Variants in KSR1 observed in about 807,000 individuals in gnomAD.
KSR1 encodes the protein kinase suppressor of ras.
KSR1 carries 35 observed loss-of-function variants against 92.9 expected under a neutral mutation model. That is an observed-to-expected ratio of 0.38 (90% CI 0.29 to 0.50). The LOEUF (loss-of-function observed/expected upper bound fraction) is 0.50, where lower values mean the gene tolerates loss of function less well. KSR1 is among the 20% of genes least tolerant of loss of function. The pLI is 0.94. For synonymous variants in KSR1, 467 were observed against 472.6 expected (o/e 0.99, Z 0.15); for missense variants, 972 against 1,158.5 (o/e 0.84, Z 2.34).
chr17:27,471,177 G>A (rs2019980312), intron 1 of KSR1, among the ~76,000 whole-genome samples: 1 of 152,176 alleles, frequency 6.6e-6, no homozygotes, highest in African/African-American at 2.4e-5. Flanking sequence ...CTCCAGTGAC[G>A]ATTTATTGAG....
chr17:27,611,130 A>C lies in KSR1; in HGVS notation c.2358-364A>C, dbSNP rs115332150. ...TGTGTGCCAGGTGCTGGGCTTGGCA[A>C]TTTAGTACTCCTCAAACAACCCTGT... On this transcript the variant is annotated intron_variant, in intron 17 of 20. Coordinates refer to ENST00000644974, the MANE Select transcript of KSR1 (RefSeq NM_001394583.1). 4.1e-3 allele frequency among the ~76,000 whole-genome samples: 630 copies of C among 152,230 alleles called. 4 individuals carry two copies. The highest frequency in any genetic ancestry group is 0.014 in the African/African-American group (572 of 41,538).
chr17:27,596,041 G>A (rs1054989484), intron 9 of KSR1, among the ~76,000 whole-genome samples: 2 of 151,910 alleles, frequency 1.3e-5, no homozygotes, highest in Non-Finnish European at 2.9e-5. Context: ...TATGGTTTCT[G>A]TCTGAACCAG....
At chr17:27,588,404 T>C (rs752774415) in intron 5 of KSR1, 71 bp from the exon 6 acceptor site, 1 of 1,390,684 alleles carries the variant, frequency 7.2e-7, no homozygotes, top group Non-Finnish European at 9.8e-7. Context: ...GTCTCTGAAT[T>C]AGGAAGTCAT....
intron 14 of KSR1, among the ~76,000 whole-genome samples, chr17:27,606,390 C>T (rs905741341): frequency 6.6e-6 from 1 of 152,354 alleles, no homozygotes; most frequent in East Asian, 1.9e-4. Context: ...GTTAACATTC[C>T]TTCTGTTAAA....
rs1260504423 is a variant in KSR1, at chr17:27,595,875, A to T, written c.1300-1393A>T. Among the ~76,000 whole-genome samples, 7 of 152,010 alleles carry T rather than the reference A, an allele frequency of 4.6e-5. No homozygotes were observed. The East Asian group carries it at 1.4e-3, about 30-fold the overall frequency. Reference sequence around the variant, plus strand: ...TGGCCACAGGCATCCTGAAGCCGGGATCATGCCAGGCCCATCTCCCATGAC... The same window carrying T: ...TGGCCACAGGCATCCTGAAGCCGGGTTCATGCCAGGCCCATCTCCCATGAC... On this transcript the variant is annotated intron_variant, in intron 9 of 20. Transcript: ENST00000644974.
intron 9 of KSR1, among the ~76,000 whole-genome samples, chr17:27,594,674 G>A (rs879431309): frequency 6.6e-6 from 1 of 152,104 alleles, no homozygotes; most frequent in Non-Finnish European, 1.5e-5. Flanking sequence ...TTCTCACTAG[G>A]GGCCACACAT....
chr17:27,456,590 G>A lies in KSR1; in HGVS notation c.-54G>A. On this transcript the variant is annotated 5_prime_UTR_variant, in exon 1 of 21. Coordinates refer to ENST00000644974, the MANE Select transcript of KSR1 (RefSeq NM_001394583.1). ...TCCTGGCTCGGGGGTTCCTTGCCGA[G>A]GCGCCCGCGCCCCGGGCTCCCAGCC... 2.2e-6 allele frequency: 1 copy of A among 461,626 alleles called. No individual in the cohort carries two copies. Among genetic ancestry groups the A allele is most frequent in the Admixed American group, 4.5e-5 (1 of 22,450 alleles). 28.6% of individuals were successfully genotyped at this position (461,626 alleles called of 1,614,324 possible).
chr17:27,549,827 G>A (rs1170767872), intron 1 of KSR1, among the ~76,000 whole-genome samples: 2 of 152,146 alleles, frequency 1.3e-5, no homozygotes, highest in Non-Finnish European at 2.9e-5. Flanking sequence ...TGGAGGACAA[G>A]ATGGAGACCT....
chr17:27,595,519 G>T (rs4795774), intron 9 of KSR1, among the ~76,000 whole-genome samples: 1 of 152,164 alleles, frequency 6.6e-6, no homozygotes, highest in Non-Finnish European at 1.5e-5. Flanking sequence ...CAGCTAAGTG[G>T]TGGTGGAAGC....
intron 1 of KSR1, among the ~76,000 whole-genome samples, chr17:27,467,007 C>T (rs2019730738): frequency 6.6e-6 from 1 of 152,234 alleles, no homozygotes; most frequent in African/African-American, 2.4e-5. Context: ...TTGCTTTGTG[C>T]CTGGCCCCCT....
chr17:27,538,156 T>C (rs1267339813), intron 1 of KSR1, among the ~76,000 whole-genome samples: 2 of 151,928 alleles, frequency 1.3e-5, no homozygotes, highest in African/African-American at 4.9e-5. Context: ...TTAGAAACAT[T>C]AGCGGTAGAA....
chr17:27,543,053 C>T (rs2071025216), intron 1 of KSR1, among the ~76,000 whole-genome samples: 2 of 152,256 alleles, frequency 1.3e-5, no homozygotes, highest in Admixed American at 1.3e-4. Flanking sequence ...CGTGGCTCAT[C>T]TGCCTGTCAC....
intron 1 of KSR1, among the ~76,000 whole-genome samples, chr17:27,547,932 C>T (rs938152467): frequency 2.6e-5 from 4 of 152,182 alleles, no homozygotes; most frequent in Middle Eastern, 3.4e-3. Flanking sequence ...AGGCTGGTCT[C>T]GAACCTCTGA....
At chr17:27,612,625 C>T (rs770378652) in intron 18 of KSR1, 1 of 152,216 alleles carries the variant, frequency 6.6e-6, no homozygotes, top group South Asian at 2.1e-4. Flanking sequence ...TATAAAGAAA[C>T]TCCAGGGCTT....
chr17:27,588,951 A>G (rs1304754815), intron 6 of KSR1, among the ~76,000 whole-genome samples: 1 of 152,160 alleles, frequency 6.6e-6, no homozygotes, highest in African/African-American at 2.4e-5. Context: ...CTCCACCCCT[A>G]AGGTTCTTGC....
intron 1 of KSR1, among the ~76,000 whole-genome samples, chr17:27,468,889 A>G (rs1018078425): frequency 1.3e-5 from 2 of 152,176 alleles, no homozygotes; most frequent in African/African-American, 4.8e-5. Context: ...TTTTTAACGA[A>G]GCAGGGCCCC....
intron 1 of KSR1, among the ~76,000 whole-genome samples, chr17:27,521,197 C>A (rs917539751): frequency 2.0e-5 from 3 of 152,126 alleles, no homozygotes; most frequent in Non-Finnish European, 4.4e-5. Context: ...ATATGTATAC[C>A]CGCTCCAAGT....
chr17:27,495,725 C>T (rs548703046), intron 1 of KSR1, among the ~76,000 whole-genome samples: 3 of 152,196 alleles, frequency 2.0e-5, no homozygotes, highest in East Asian at 1.9e-4. Context: ...ATTGCTTCAT[C>T]GATCATGCAG....
chr17:27,608,716 G>C (rs972384944), intron 15 of KSR1, among the ~76,000 whole-genome samples: 1 of 152,164 alleles, frequency 6.6e-6, no homozygotes, highest in Non-Finnish European at 1.5e-5. Context: ...GACATTAGGA[G>C]CACTCAAAGT....
Sources: allele counts gnomAD v4.1 joint callset (sites outside exome capture counted in the v4.1 genomes callset), GRCh38; gene constraint gnomAD v4.1.1; transcripts MANE v1.5; gene names NCBI Gene and HGNC (gene_info 2026-07-23, HGNC 2026-07-21).